SCN8A: variants seen among roughly 807,000 people sequenced by gnomAD.
The protein encoded by SCN8A is sodium channel protein type 8 subunit alpha.
In SCN8A, 30 loss-of-function variants were observed where a neutral mutation model predicts 184.1. That is an observed-to-expected ratio of 0.16 (90% CI 0.12 to 0.22). SCN8A has a LOEUF of 0.22. SCN8A is among the 10% of genes least tolerant of loss of function. The pLI is 1.00. For synonymous variants in SCN8A, 852 were observed against 907.0 expected (o/e 0.94, Z 1.09); for missense variants, 1,057 against 2,498.9 (o/e 0.42, Z 12.30).
At chr12:51,741,225 CTT>C (rs1366824507) in intron 12 of SCN8A, among the ~76,000 whole-genome samples, 2 of 152,266 alleles carry the variant, frequency 1.3e-5, no homozygotes, top group African/African-American at 4.8e-5. Flanking sequence ...ATCTCTGTCT[CTT>C]CTTATAATTT....
At chr12:51,797,214 A>C (rs1938436839) in intron 26 of SCN8A, among the ~76,000 whole-genome samples, 1 of 152,234 alleles carries the variant, frequency 6.6e-6, no homozygotes, top group Non-Finnish European at 1.5e-5. Context: ...GCCTAACATA[A>C]TACAGCTATC....
chr12:51,726,605 A>T (rs566982923), intron 12 of SCN8A, among the ~76,000 whole-genome samples: 1 of 152,204 alleles, frequency 6.6e-6, no homozygotes, highest in Admixed American at 6.5e-5. Flanking sequence ...TCTTCTCTGT[A>T]AAAAGAGATA....
chr12:51,705,297 A>G (rs1941764197), intron 9 of SCN8A, 120 bp from the exon 10 acceptor site: 2 of 835,856 alleles, frequency 2.4e-6, no homozygotes, highest in African/African-American at 3.4e-5. Context: ...AGTACTGCAC[A>G]AGGAAACAGT....
chr12:51,702,656 G>T, intron 8 of SCN8A, 117 bp from the exon 9 acceptor site: 2 of 875,230 alleles, frequency 2.3e-6, no homozygotes, highest in Middle Eastern at 2.5e-4. Flanking sequence ...CTCTATCAAT[G>T]GTTATTTATT....
chr12:51,642,752 G>A (rs1236097728), intron 1 of SCN8A, among the ~76,000 whole-genome samples: 1 of 151,088 alleles, frequency 6.6e-6, no homozygotes, highest in Non-Finnish European at 1.5e-5. Flanking sequence ...TCTTCTGCTT[G>A]CAGTCACCTT....
intron 1 of SCN8A, among the ~76,000 whole-genome samples, chr12:51,653,617 C>T (rs2138656698): frequency 6.6e-6 from 1 of 152,302 alleles, no homozygotes. Flanking sequence ...CACCTTTTGG[C>T]AGTTGTGACT....
At chr12:51,633,900 T>C (rs1391284957) in intron 1 of SCN8A, among the ~76,000 whole-genome samples, 1 of 152,204 alleles carries the variant, frequency 6.6e-6, no homozygotes, top group African/African-American at 2.4e-5. Context: ...AAGAAATCTT[T>C]TAAGGTCAAG....
At chr12:51,682,082 A>C (rs77721298) in intron 2 of SCN8A, among the ~76,000 whole-genome samples, 1,930 of 152,262 alleles carry the variant, frequency 0.013, 92 homozygotes, top group East Asian at 0.1. Flanking sequence ...TTCTGCATCT[A>C]TTAAGATGAT....
At chr12:51,735,346 G>C (rs567078205) in intron 12 of SCN8A, among the ~76,000 whole-genome samples, 15 of 152,240 alleles carry the variant, frequency 9.9e-5, no homozygotes, top group African/African-American at 3.6e-4. Flanking sequence ...TGCCTGTTTT[G>C]CAAAGCAATC....
intron 1 of SCN8A, among the ~76,000 whole-genome samples, chr12:51,659,139 C>A (rs987932804): frequency 3.7e-4 from 57 of 152,172 alleles, no homozygotes; most frequent in African/African-American, 1.4e-3. Context: ...ACATGGAATA[C>A]TATGCAGAAT....
chr12:51,733,368 ATATGT>A (rs1349723895), intron 12 of SCN8A, among the ~76,000 whole-genome samples: 10 of 152,170 alleles, frequency 6.6e-5, no homozygotes, highest in African/African-American at 2.2e-4. Flanking sequence ...ATTGATTTGC[ATATGT>A]TGAACCTTTC....
At chr12:51,767,704 A>G (rs1009666168) in intron 16 of SCN8A, among the ~76,000 whole-genome samples, 2 of 152,192 alleles carry the variant, frequency 1.3e-5, no homozygotes, top group Non-Finnish European at 2.9e-5. Flanking sequence ...AATATTTTTA[A>G]CAAACATCCA....
At chr12:51,791,214 A>T (rs1047304361) in intron 25 of SCN8A, among the ~76,000 whole-genome samples, 1 of 152,154 alleles carries the variant, frequency 6.6e-6, no homozygotes, top group African/African-American at 2.4e-5. Flanking sequence ...ACACAACACC[A>T]CCAAAAAAAC....
intron 12 of SCN8A, among the ~76,000 whole-genome samples, chr12:51,732,183 T>C (rs548421544): frequency 6.6e-6 from 1 of 152,314 alleles, no homozygotes; most frequent in East Asian, 1.9e-4. Context: ...TGTTGTCTTA[T>C]AGTAGTTTCA....
At chr12:51,683,189 C>G (rs982921779) in intron 2 of SCN8A, among the ~76,000 whole-genome samples, 4 of 152,184 alleles carry the variant, frequency 2.6e-5, no homozygotes, top group African/African-American at 9.7e-5. Flanking sequence ...TATGTGTCTT[C>G]CCTAAAAGTA....
intron 14 of SCN8A, 103 bp downstream of exon 14, chr12:51,751,696 A>G (rs1187485787): frequency 2.3e-6 from 2 of 855,818 alleles, no homozygotes; most frequent in East Asian, 5.3e-5. Flanking sequence ...AAAAGAAAGT[A>G]ATAGTTAATT....
At chr12:51,791,662 A>C (rs1938254505) in intron 25 of SCN8A, among the ~76,000 whole-genome samples, 1 of 152,190 alleles carries the variant, frequency 6.6e-6, no homozygotes, top group East Asian at 1.9e-4. Context: ...TTTCTTCCAC[A>C]TTAAAATATA....
intron 12 of SCN8A, among the ~76,000 whole-genome samples, chr12:51,738,837 C>T (rs1051319189): frequency 3.9e-5 from 6 of 152,182 alleles, no homozygotes; most frequent in African/African-American, 7.2e-5. Flanking sequence ...GGACCTTTTG[C>T]GGGGGTTCCC....
intron 1 of SCN8A, among the ~76,000 whole-genome samples, chr12:51,632,084 A>G (rs1940208075): frequency 6.6e-6 from 1 of 152,108 alleles, no homozygotes; most frequent in Non-Finnish European, 1.5e-5. Flanking sequence ...TCCCAAACCC[A>G]TGTCTACCTG....
Sources: gnomAD v4.1 joint callset for allele counts (sites outside exome capture counted in the v4.1 genomes callset) on GRCh38, gnomAD v4.1.1 for gene constraint, MANE v1.5 for transcripts, NCBI Gene and HGNC (gene_info 2026-07-23, HGNC 2026-07-21) for gene names.